The following MMP9 variants were observed in gnomAD, a reference collection of about 807,000 sequenced individuals.
The protein encoded by MMP9 is matrix metalloproteinase-9.
A neutral mutation model predicts 76.4 loss-of-function variants in MMP9; 73 were observed. The observed-to-expected ratio is 0.96, with a 90% CI of 0.79 to 1.16. The LOEUF (loss-of-function observed/expected upper bound fraction) is 1.16. Ranked by LOEUF, MMP9 falls within the 50% of genes most tolerant of loss-of-function variation. The probability of loss-of-function intolerance (pLI) is 0.00; values close to 1 mark genes in which losing one functional copy is unlikely to be tolerated. For synonymous variants in MMP9, 412 were observed against 408.4 expected, an observed-to-expected ratio of 1.01 and a Z score of -0.11; for missense variants, 943 against 973.0, an observed-to-expected ratio of 0.97 and a Z score of 0.41.
chr20:46,009,893 C>G lies in MMP9; in HGVS notation c.166C>G (p.Arg56Gly). 6.4e-7 allele frequency: 1 copy of G among 1,552,078 alleles called. No homozygotes were observed. Among genetic ancestry groups the G allele is most frequent in the Non-Finnish European group, 8.7e-7 (1 of 1,147,176 alleles). Reference protein sequence around the residue: ...EEYLYRYGYTRVAEMRGESKS... With the variant: ...EEYLYRYGYTGVAEMRGESKS... ...ATACCTGTACCGCTATGGTTACACT[C>G]GGGTGGCAGAGATGCGTGGAGAGTC... The change falls in exon 2 of 13, where the codon CGG becomes GGG. Residue 56 changes from arginine to glycine, a missense_variant. By Grantham distance (125) the Arg-to-Gly change is moderately radical. Transcript: ENST00000372330.
rs1341925156 is a variant in MMP9, at chr20:46,016,411, G to A, written c.*43G>A. 6.6e-7 allele frequency: 1 copy of A among 1,506,562 alleles called. No homozygotes were observed. Among genetic ancestry groups the A allele is most frequent in the Admixed American group, 1.7e-5 (1 of 59,876 alleles). The allele number at this position is 1,506,562 out of a possible 1,614,324, so 93.3% of individuals were successfully genotyped here. ...GGCAGTGCCATGTAAATCCCCACTG[G>A]GACCAACCCTGGGGAAGGAGCCAGT... On this transcript the variant is annotated 3_prime_UTR_variant, in exon 13 of 13. Transcript: ENST00000372330.
intron 8 of MMP9, among the ~76,000 whole-genome samples, chr20:46,012,888 G>A (rs1205054173): frequency 1.3e-5 from 2 of 152,204 alleles, no homozygotes; most frequent in African/African-American, 4.8e-5. Context: ...AAGCCCAGGA[G>A]TTCCAGACCA....
chr20:46,014,348 G>A, intron 11 of MMP9, 23 bp from the exon 12 acceptor site: 1 of 1,545,156 alleles, frequency 6.5e-7, no homozygotes, highest in Non-Finnish European at 8.7e-7. Context: ...CTCAGCACCT[G>A]TCTCCTCCGC....
At position 46,011,207 on chromosome 20, in the gene MMP9, C is replaced by T. The variant is rs1327610599; in HGVS notation, c.714C>T (p.Gly238=). ...GCCACTTCCCCTTCATCTTCGAGGG[C>T]CGCTCCTACTCTGCCTGCACCACCG... ...AACHFPFIFE[G]RSYSACTTDG... The change falls in exon 5 of 13, where the codon GGC becomes GGT. Residue 238 remains glycine, a synonymous_variant. Coordinates refer to ENST00000372330, the MANE Select transcript of MMP9 (RefSeq NM_004994.3). 5 of 1,613,930 alleles carry T rather than the reference C, an allele frequency of 3.1e-6. No homozygotes were observed. Among genetic ancestry groups the T allele is most frequent in the Non-Finnish European group, 1.7e-6 (2 of 1,180,054 alleles).
chr20:46,010,392 G>T (rs2084270931), intron 2 of MMP9, 91 bp from the exon 3 acceptor site: 4 of 1,382,738 alleles, frequency 2.9e-6, no homozygotes, highest in African/African-American at 1.4e-5. Context: ...AGAGCATTGT[G>T]TATGTTGAAG....
Position 46,010,047 on chromosome 20 carries a change from T to A in MMP9, c.320T>A (p.Phe107Tyr). Residue 107 changes from phenylalanine to tyrosine, a missense_variant, in exon 2 of 13, where the codon TTC becomes TAC. By Grantham distance (22) the Phe-to-Tyr change is conservative. Transcript: ENST00000372330. ...PRCGVPDLGR[F>Y]QTFEGDLKWH... ...TGCGGGGTCCCAGACCTGGGCAGATTCCAAACCTTTGAGGGCGACCTCAAG... is the reference window on the plus strand; with the variant it reads ...TGCGGGGTCCCAGACCTGGGCAGATACCAAACCTTTGAGGGCGACCTCAAG... 1.3e-6 allele frequency: 2 copies of A among 1,544,030 alleles called. No homozygotes were observed. Among genetic ancestry groups the A allele is most frequent in the Non-Finnish European group, 1.7e-6 (2 of 1,143,264 alleles).
In MMP9 at chr20:46,013,586, C is replaced by T. The variant is rs1382187097; in HGVS notation, c.1610+52C>T. ...GGGAGGGGGCTTTGCGGAGGGGCTGCCCGTCCCTTCCCGCCCACTGGCCCT... is the reference window on the plus strand; with the variant it reads ...GGGAGGGGGCTTTGCGGAGGGGCTGTCCGTCCCTTCCCGCCCACTGGCCCT... On this transcript the variant is annotated intron_variant, in intron 9 of 12. Transcript: ENST00000372330. This position sits in a 1 kb window ranked among gnomAD's most constrained non-coding sequence, Gnocchi z 4.5. 6.2e-7 allele frequency: 1 copy of T among 1,611,032 alleles called. No homozygotes were observed.
intron 12 of MMP9, chr20:46,014,721 G>C (rs1781978711): frequency 3.5e-6 from 2 of 575,388 alleles, no homozygotes; most frequent in Non-Finnish European, 6.2e-6. Context: ...AGGACGGCAG[G>C]TGGTTTGTAT....
chr20:46,013,200 A>C lies in MMP9; in HGVS notation c.1331-55A>C. 6.2e-7 allele frequency: 1 copy of C among 1,607,170 alleles called. No homozygotes were observed. Among genetic ancestry groups the C allele is most frequent in the Non-Finnish European group, 8.5e-7 (1 of 1,174,022 alleles). ...AGAAGCTTAGGGGAGCAGATGTTCT[A>C]GGGGTACAGAGGTATGCAGGAATAG... On this transcript the variant is annotated intron_variant, in intron 8 of 12. Coordinates refer to ENST00000372330, the MANE Select transcript of MMP9 (RefSeq NM_004994.3). The surrounding 1 kb of genome is among the most constrained non-coding windows in gnomAD (Gnocchi z 4.5).
At position 46,011,181 on chromosome 20, in the gene MMP9, T is replaced by C; in HGVS notation, c.688T>C (p.Cys230Arg). 1 of 1,614,160 alleles carries C rather than the reference T, an allele frequency of 6.2e-7. No individual in the cohort carries two copies. The highest frequency in any genetic ancestry group is 8.5e-7 in the Non-Finnish European group (1 of 1,180,044). ...GTTTGGAAACGCAGATGGCGCGGCC[T>C]GCCACTTCCCCTTCATCTTCGAGGG... ...TRFGNADGAA[C>R]HFPFIFEGRS... Residue 230 changes from cysteine to arginine, a missense_variant, in exon 5 of 13, where the codon TGC (cysteine) becomes CGC (arginine). By Grantham distance (180) the Cys-to-Arg change is radical. Coordinates refer to ENST00000372330, the MANE Select transcript of MMP9 (RefSeq NM_004994.3).
rs772972610 is a variant in MMP9, at chr20:46,013,694, C to T, written c.1648C>T (p.Pro550Ser). ...WRFSEGRGSR[P>S]QGPFLIADKW... is the part of the protein sequence containing the mutation. The stretch of plus-strand genomic sequence containing the variant: ...ATTCTCTGAGGGCAGGGGGAGCCGG[C>T]CGCAGGGCCCCTTCCTTATCGCCGA... Residue 550 changes from proline to serine, a missense_variant, in exon 10 of 13, where the codon CCG (proline) becomes TCG (serine). Physicochemically the swap from Pro to Ser is moderately conservative, Grantham distance 74 (BLOSUM62 -1). Transcript: ENST00000372330. The surrounding 1 kb of genome is among the most constrained non-coding windows in gnomAD (Gnocchi z 4.5). 1.2e-6 allele frequency: 2 copies of T among 1,613,708 alleles called. No individual in the cohort carries two copies. Among genetic ancestry groups the T allele is most frequent in the East Asian group, 4.5e-5 (2 of 44,852 alleles).
chr20:46,015,970 G>A (rs2084318692), intron 12 of MMP9, among the ~76,000 whole-genome samples: 1 of 152,200 alleles, frequency 6.6e-6, no homozygotes, highest in African/African-American at 2.4e-5. Context: ...TGAGCATTAA[G>A]ATAGTTGGTC....
Position 46,012,186 on chromosome 20 carries a change from C to A in MMP9, c.1047C>A (p.Phe349Leu). 1 of 1,614,150 alleles carries A rather than the reference C, an allele frequency of 6.2e-7. No homozygotes were observed. The highest frequency in any genetic ancestry group is 8.5e-7 in the Non-Finnish European group (1 of 1,180,040). ...GGNSAGELCV[F>L]PFTFLGKEYS... is the part of the protein sequence containing the mutation. ...ACTCGGCGGGGGAGCTGTGCGTCTT[C>A]CCCTTCACTTTCCTGGGTAAGGAGT... The change falls in exon 7 of 13, where the codon TTC becomes TTA. Residue 349 changes from phenylalanine (F) to leucine (L), a missense_variant. Physicochemically the swap from Phe to Leu is conservative, Grantham distance 22 (BLOSUM62 0). Transcript: ENST00000372330.
rs1234757193 is a variant in MMP9, at chr20:46,008,992, A to G, written c.66A>G (p.Arg22=). 1 of 1,613,974 alleles carries G rather than the reference A, an allele frequency of 6.2e-7. No homozygotes were observed. ...LVLGCCFAAP[R]QRQSTLVLFP... ...TGGGCTGCTGCTTTGCTGCCCCCAG[A>G]CAGCGCCAGTCCACCCTTGTGCTCT... The change falls in exon 1 of 13, where the codon AGA becomes AGG. Residue 22 remains arginine (R), a synonymous_variant. Coordinates refer to ENST00000372330, the MANE Select transcript of MMP9 (RefSeq NM_004994.3).
chr20:46,008,923 C>T lies in MMP9; in HGVS notation c.-4C>T. On this transcript the variant is annotated 5_prime_UTR_variant, in exon 1 of 13. Coordinates refer to ENST00000372330, the MANE Select transcript of MMP9 (RefSeq NM_004994.3). ...AGCTGCAGTCAGACACCTCTGCCCT[C>T]ACCATGAGCCTCTGGCAGCCCCTGG... The T allele has an allele frequency of 1.2e-6, 2 of 1,613,234 alleles. No homozygotes were observed. Among genetic ancestry groups the T allele is most frequent in the Non-Finnish European group, 1.7e-6 (2 of 1,179,948 alleles).
chr20:46,010,104 C>G lies in MMP9; in HGVS notation c.371+6C>G, dbSNP rs981634686. 1 of 1,542,918 alleles carries G rather than the reference C, an allele frequency of 6.5e-7. No homozygotes were observed. The highest frequency in any genetic ancestry group is 1.4e-5 in the African/African-American group (1 of 72,920). On this transcript the variant is annotated splice_donor_region_variant and intron_variant, in intron 2 of 12. Coordinates refer to ENST00000372330, the MANE Select transcript of MMP9 (RefSeq NM_004994.3). ...CACCACAACATCACCTATTGGTGAG[C>G]CGGGGCCGTGGGGGCAGCGGGGTGG...
Position 46,014,033 on chromosome 20 carries a change from G to A in MMP9, c.1751-91G>A, listed in dbSNP as rs180783469. On this transcript the variant is annotated intron_variant, in intron 10 of 12. Coordinates refer to ENST00000372330, the MANE Select transcript of MMP9 (RefSeq NM_004994.3). ...GCAGGGACTGCGGGCACGCGGGCTA[G>A]GAAAGGCCTCGCCGGAATCTCCCTC... 5.6e-5 allele frequency: 85 copies of A among 1,519,378 alleles called. No individual in the cohort carries two copies. The African/African-American group carries it at 1.1e-3, about 19-fold the overall frequency. The allele number at this position is 1,519,378 out of a possible 1,614,324, so 94.1% of individuals were successfully genotyped here.
chr20:46,012,359 T>C, intron 7 of MMP9, 46 bp downstream of exon 7: 1 of 1,612,464 alleles, frequency 6.2e-7, no homozygotes, highest in Non-Finnish European at 8.5e-7. Flanking sequence ...CCGGCAGTGG[T>C]GGTGGTGGGG....
In MMP9 at chr20:46,009,037, C is replaced by A. The variant is rs201343402; in HGVS notation, c.111C>A (p.Thr37=). The change falls in exon 1 of 13, where the codon ACC becomes ACA. Residue 37 remains threonine (T), a synonymous_variant. Transcript: ENST00000372330. ...TLVLFPGDLR[T]NLTDRQLAEE... ...TGCTCTTCCCTGGAGACCTGAGAACCAATCTCACCGACAGGCAGCTGGCAG... is the reference window on the plus strand; with the variant it reads ...TGCTCTTCCCTGGAGACCTGAGAACAAATCTCACCGACAGGCAGCTGGCAG... 9 of 1,613,910 alleles carry A rather than the reference C, an allele frequency of 5.6e-6. No homozygotes were observed. Among genetic ancestry groups the A allele is most frequent in the Non-Finnish European group, 6.8e-6 (8 of 1,179,938 alleles).
Sources: gnomAD v4.1 joint callset for allele counts (sites outside exome capture counted in the v4.1 genomes callset) on GRCh38, gnomAD v4.1.1 for gene constraint, Gnocchi (gnomAD v3.1) non-coding constraint, MANE v1.5 for transcripts, NCBI Gene and HGNC (gene_info 2026-07-23, HGNC 2026-07-21) for gene names.